The following MARK1 variants were observed in gnomAD, a reference collection of about 807,000 sequenced individuals.
MARK1 encodes the protein microtubule affinity regulating kinase 1.
Under a neutral mutation model 96.3 loss-of-function variants are expected in MARK1, and 40 were observed. That is an observed-to-expected ratio of 0.42 (90% CI 0.32 to 0.54). MARK1 has a LOEUF of 0.54. MARK1 is among the 20% of genes least tolerant of loss of function. The pLI, the probability that MARK1 is intolerant of heterozygous loss-of-function variation, is 0.16. For missense variants in MARK1, 719 were observed against 984.6 expected (o/e 0.73, Z 3.61); for synonymous variants, 317 against 341.2 (o/e 0.93, Z 0.78).
At position 220,579,572 on chromosome 1, in the gene MARK1, T is replaced by C. The variant is rs1270342443; in HGVS notation, c.255+15T>C. ...CTGGTAGAGAGGTAAGTTTGCACAA[T>C]GCCTTTTAATATCTGCCTGGACCTC... On this transcript the variant is annotated intron_variant, in intron 2 of 17. Transcript: ENST00000366917. The C allele has an allele frequency of 5.6e-6, 9 of 1,608,884 alleles. No homozygotes were observed. The South Asian group carries it at 9.9e-5, about 18-fold the overall frequency.
intron 9 of MARK1, among the ~76,000 whole-genome samples, chr1:220,620,063 A>T (rs1225752832): frequency 6.6e-6 from 1 of 152,162 alleles, no homozygotes; most frequent in Non-Finnish European, 1.5e-5. Context: ...GCATGTTTTG[A>T]TGGAAGTTAA....
chr1:220,562,135 G>T (rs575332870), intron 1 of MARK1, among the ~76,000 whole-genome samples: 22 of 152,086 alleles, frequency 1.4e-4, no homozygotes, highest in Admixed American at 3.9e-4. Context: ...GAGAATCTTG[G>T]TATAGCCAGT....
chr1:220,530,838 C>T (rs529713145), intron 1 of MARK1, among the ~76,000 whole-genome samples: 11 of 152,266 alleles, frequency 7.2e-5, no homozygotes, highest in African/African-American at 2.6e-4. Flanking sequence ...ATAATGATAT[C>T]TCCATTTAGC....
chr1:220,600,382 C>T (rs1665659108), intron 5 of MARK1, among the ~76,000 whole-genome samples: 3 of 152,076 alleles, frequency 2.0e-5, no homozygotes, highest in Non-Finnish European at 4.4e-5. Flanking sequence ...TGTTAGAGGA[C>T]TGAGTTGACA....
At chr1:220,529,120 C>T (rs533811944) in intron 1 of MARK1, among the ~76,000 whole-genome samples, 22 of 152,276 alleles carry the variant, frequency 1.4e-4, no homozygotes, top group Non-Finnish European at 5.9e-5. Flanking sequence ...GGAGGTGGTC[C>T]TCCAGGGGCG....
chr1:220,652,241 A>G, intron 15 of MARK1, 91 bp downstream of exon 15: 3 of 992,230 alleles, frequency 3.0e-6, no homozygotes, highest in Non-Finnish European at 4.3e-6. Flanking sequence ...CATCACATTA[A>G]GACCTTTCTA....
intron 6 of MARK1, among the ~76,000 whole-genome samples, chr1:220,609,982 A>C (rs1321273102): frequency 1.3e-5 from 2 of 152,106 alleles, no homozygotes. Flanking sequence ...TCCCCTTAAC[A>C]CTTTTTCCTT....
At chr1:220,564,536 T>G (rs1662909210) in intron 1 of MARK1, among the ~76,000 whole-genome samples, 1 of 152,180 alleles carries the variant, frequency 6.6e-6, no homozygotes, top group Non-Finnish European at 1.5e-5. Context: ...ATTATCCAAT[T>G]AGGTCTCGGA....
intron 3 of MARK1, among the ~76,000 whole-genome samples, chr1:220,592,786 A>G (rs1261940161): frequency 1.3e-5 from 2 of 152,198 alleles, no homozygotes; most frequent in Non-Finnish European, 2.9e-5. Context: ...TGCAGGGAGC[A>G]CCACTAGCCA....
At chr1:220,601,961 A>G (rs1157752131) in intron 5 of MARK1, among the ~76,000 whole-genome samples, 1 of 152,178 alleles carries the variant, frequency 6.6e-6, no homozygotes, top group Non-Finnish European at 1.5e-5. Context: ...CAAGTTAGTG[A>G]TTCTGTAACA....
At chr1:220,535,672 T>C (rs1660635986) in intron 1 of MARK1, among the ~76,000 whole-genome samples, 1 of 152,112 alleles carries the variant, frequency 6.6e-6, no homozygotes, top group South Asian at 2.1e-4. Flanking sequence ...TTTAATCCCT[T>C]TTGAGATAGT....
At chr1:220,550,493 C>T (rs1485871366) in intron 1 of MARK1, among the ~76,000 whole-genome samples, 1 of 152,150 alleles carries the variant, frequency 6.6e-6, no homozygotes, top group African/African-American at 2.4e-5. Context: ...GCTGGGACTA[C>T]AGGCGTGCGC....
chr1:220,629,002 T>C (rs1428189598), intron 9 of MARK1, among the ~76,000 whole-genome samples: 1 of 152,102 alleles, frequency 6.6e-6, no homozygotes, highest in Non-Finnish European at 1.5e-5. Flanking sequence ...ATTCCAGTTG[T>C]TAGAGATCTT....
In MARK1 at chr1:220,657,828, C is replaced by T. The variant is rs1165455641; in HGVS notation, c.2027C>T (p.Thr676Ile). The T allele has an allele frequency of 1.3e-6, 2 of 1,568,634 alleles. No individual in the cohort carries two copies. The highest frequency in any genetic ancestry group is 1.7e-6 in the Non-Finnish European group (2 of 1,162,558). Reference protein sequence around the residue: ...SEGEASGRTDTSRSTSGEPKE... With the variant: ...SEGEASGRTDISRSTSGEPKE... ...GGCGAAGCCAGTGGCAGAACCGACA[C>T]CTCAAGGTGAGGAGCCACTATTAAT... is the stretch of plus-strand genomic sequence containing the variant. The change falls in exon 17 of 18, where the codon ACC becomes ATC. Residue 676 changes from threonine to isoleucine, a missense_variant. Thr to Ile is a moderately conservative substitution (Grantham distance 89, BLOSUM62 -1). Around this residue, in one of 4 missense-constraint regions of MARK1, gnomAD observed 501 missense variants for 588.3 expected, o/e 0.85. Coordinates refer to ENST00000366917, the MANE Select transcript of MARK1 (RefSeq NM_018650.5).
rs147570678 is a variant in MARK1 at position 220,551,353 on chromosome 1, C to G, written c.51+22480C>G. 2.1e-3 allele frequency among the ~76,000 whole-genome samples: 325 copies of G among 152,284 alleles called. 1 individual carries two copies. Among genetic ancestry groups the G allele is most frequent in the African/African-American group, 7.4e-3 (307 of 41,552 alleles). ...AATCTTGTGCAAATTTCTCTTGTGGCTGATGTTAGCCTAGGACCATAGAGA... is the reference window on the plus strand; with the variant it reads ...AATCTTGTGCAAATTTCTCTTGTGGGTGATGTTAGCCTAGGACCATAGAGA... On this transcript the variant is annotated intron_variant, in intron 1 of 17. Transcript: ENST00000366917.
intron 7 of MARK1, among the ~76,000 whole-genome samples, chr1:220,617,114 A>C (rs985404072): frequency 6.6e-6 from 1 of 152,178 alleles, no homozygotes; most frequent in East Asian, 1.9e-4. Context: ...CCAGCCCCTT[A>C]CATCAGAACA....
In MARK1 at chr1:220,558,133, AAATAATAATAATAAT is replaced by A. The variant is rs56212262; in HGVS notation, c.52-21189_52-21175del. On this transcript the variant is annotated intron_variant, in intron 1 of 17. Transcript: ENST00000366917. Reference sequence around the variant, plus strand: ...GGGCAACAGAGTGAGACCCTGTCTCAAATAATAATAATAATAATAATAATAATAATAATAATAATA... The same window carrying A: ...GGGCAACAGAGTGAGACCCTGTCTCAAATAATAATAATAATAATAATAATA... Among the ~76,000 whole-genome samples, 59 of 137,158 alleles carry A rather than the reference AAATAATAATAATAAT, an allele frequency of 4.3e-4. No individual in the cohort carries two copies. The East Asian group carries it at 4.7e-3, about 11-fold the overall frequency. 90.0% of individuals were successfully genotyped at this position (137,158 alleles called of 152,430 possible).
At chr1:220,592,827 CTG>C (rs1217185669) in intron 3 of MARK1, among the ~76,000 whole-genome samples, 1 of 152,134 alleles carries the variant, frequency 6.6e-6, no homozygotes, top group African/African-American at 2.4e-5. Flanking sequence ...ATGTCACTCA[CTG>C]TGTGTTGCAG....
intron 10 of MARK1, 51 bp from the exon 11 acceptor site, chr1:220,632,149 GT>G: frequency 1.1e-6 from 1 of 874,102 alleles, no homozygotes; most frequent in Non-Finnish European, 1.7e-6. Flanking sequence ...TTGTTGATTT[GT>G]TTACGAAAAT....
Sources: allele counts gnomAD v4.1 joint callset (sites outside exome capture counted in the v4.1 genomes callset), GRCh38; gene constraint gnomAD v4.1.1; regional missense constraint gnomAD v4.1.1; transcripts MANE v1.5; gene names NCBI Gene and HGNC (gene_info 2026-07-23, HGNC 2026-07-21).